Variants in ANKS1B observed in about 807,000 individuals in gnomAD.
ANKS1B encodes ankyrin repeat and sterile alpha motif domain-containing protein 1B.
Under a neutral mutation model 148.3 loss-of-function variants are expected in ANKS1B, and 36 were observed. That is an observed-to-expected ratio of 0.24 (90% confidence interval 0.19 to 0.32). The LOEUF (loss-of-function observed/expected upper bound fraction) is 0.32. Among genes scored for constraint, ANKS1B ranks in the 10% least tolerant of loss-of-function variants. The pLI is 1.00. For missense variants in ANKS1B, 1,157 were observed against 1,542.6 expected, an observed-to-expected ratio of 0.75 and a Z score of 4.19; for synonymous variants, 542 against 560.8, an observed-to-expected ratio of 0.97 and a Z score of 0.47.
At chr12:98,903,099 T>A (rs1260316456) in intron 17 of ANKS1B, among the ~76,000 whole-genome samples, 2 of 152,094 alleles carry the variant, frequency 1.3e-5, no homozygotes, top group African/African-American at 4.8e-5. Context: ...CATTAAGGAT[T>A]TTGAAATATA....
At chr12:99,716,726 T>A (rs578187032) in intron 8 of ANKS1B, among the ~76,000 whole-genome samples, 1 of 152,242 alleles carries the variant, frequency 6.6e-6, no homozygotes, top group South Asian at 2.1e-4. Flanking sequence ...CTGTTCCCAA[T>A]GCAAATCGTC....
At chr12:99,844,061 T>C (rs1306058414) in intron 1 of ANKS1B, among the ~76,000 whole-genome samples, 2 of 152,206 alleles carry the variant, frequency 1.3e-5, no homozygotes, top group African/African-American at 4.8e-5. Context: ...GAAAAGTGTC[T>C]GTTCATGTCC....
intron 23 of ANKS1B, 27 bp from the exon 24 acceptor site, chr12:98,781,230 G>A (rs762351142): frequency 1.2e-5 from 18 of 1,479,860 alleles, no homozygotes; most frequent in Non-Finnish European, 1.6e-5. Flanking sequence ...AAAGCTGTTA[G>A]AGCAGTTTGT....
At chr12:98,948,767 A>ACC (rs148793376) in intron 17 of ANKS1B, among the ~76,000 whole-genome samples, 2,588 of 129,126 alleles carry the variant, frequency 0.02, 100 homozygotes, top group African/African-American at 0.078. Flanking sequence ...ACACACCCAC[A>ACC]CCCCCCCCCA....
intron 12 of ANKS1B, among the ~76,000 whole-genome samples, chr12:99,342,379 C>A (rs1267812356): frequency 6.6e-6 from 1 of 151,752 alleles, no homozygotes; most frequent in Admixed American, 6.6e-5. Flanking sequence ...TATGAGATGT[C>A]CTGGAGGTTG....
chr12:99,530,447 A>G (rs112195393), intron 9 of ANKS1B, among the ~76,000 whole-genome samples: 6 of 152,312 alleles, frequency 3.9e-5, no homozygotes, highest in African/African-American at 1.4e-4. Flanking sequence ...AGAAAAGAAC[A>G]GGAACAGAGA....
intron 15 of ANKS1B, among the ~76,000 whole-genome samples, chr12:99,107,609 G>A (rs577628721): frequency 6.6e-6 from 1 of 152,300 alleles, no homozygotes; most frequent in South Asian, 2.1e-4. Flanking sequence ...GGATTCAGTG[G>A]AAACTAGTAA....
Position 99,245,106 on chromosome 12 carries a change from C to T in ANKS1B, c.2347-692G>A, listed in dbSNP as rs111855494. ...CTGGCCTCAAGTGATCTACCTGCCT[C>T]GGCGTCCCAAAGTGCTAGGATTACA... On this transcript the variant is annotated intron_variant, in intron 13 of 26. Transcript: ENST00000683438. Among the ~76,000 whole-genome samples the T allele has an allele frequency of 1.0e-3, 153 of 152,232 alleles. 1 individual carries two copies. Among genetic ancestry groups the T allele is most frequent in the African/African-American group, 3.3e-3 (139 of 41,538 alleles).
At chr12:99,267,932 G>T (rs2076617463) in intron 12 of ANKS1B, among the ~76,000 whole-genome samples, 1 of 152,184 alleles carries the variant, frequency 6.6e-6, no homozygotes, top group Admixed American at 6.5e-5. Context: ...AAGAAGACAT[G>T]AAGGGAGAAT....
At chr12:99,108,833 G>A (rs1398206956) in intron 15 of ANKS1B, among the ~76,000 whole-genome samples, 1 of 152,138 alleles carries the variant, frequency 6.6e-6, no homozygotes, top group Non-Finnish European at 1.5e-5. Flanking sequence ...GCATAATAGG[G>A]TTCTTCTTTA....
intron 14 of ANKS1B, among the ~76,000 whole-genome samples, chr12:99,224,099 A>T (rs970306077): frequency 6.6e-6 from 1 of 152,126 alleles, no homozygotes; most frequent in African/African-American, 2.4e-5. Context: ...TATATTTTTT[A>T]AATTTTTTTT....
intron 12 of ANKS1B, among the ~76,000 whole-genome samples, chr12:99,360,551 T>C (rs539083515): frequency 1.3e-5 from 2 of 152,252 alleles, no homozygotes; most frequent in East Asian, 3.9e-4. Context: ...CTTTGACTTA[T>C]GAAATATTGT....
intron 16 of ANKS1B, among the ~76,000 whole-genome samples, chr12:99,084,662 G>A (rs1173233108): frequency 1.3e-5 from 2 of 152,172 alleles, no homozygotes; most frequent in Non-Finnish European, 2.9e-5. Flanking sequence ...AAGTTGCAGT[G>A]AGCCTAGATC....
chr12:98,903,673 A>C (rs1335190621), intron 17 of ANKS1B, among the ~76,000 whole-genome samples: 1 of 152,178 alleles, frequency 6.6e-6, no homozygotes, highest in Non-Finnish European at 1.5e-5. Flanking sequence ...TGAGCCAATA[A>C]ATTTTTCATT....
chr12:99,353,911 C>T (rs1341803067), intron 12 of ANKS1B, among the ~76,000 whole-genome samples: 1 of 152,016 alleles, frequency 6.6e-6, no homozygotes, highest in African/African-American at 2.4e-5. Context: ...ATGGAGGCCA[C>T]TAGTGAATAC....
intron 17 of ANKS1B, among the ~76,000 whole-genome samples, chr12:98,945,729 T>C (rs774632647): frequency 2.0e-5 from 3 of 152,142 alleles, no homozygotes; most frequent in Admixed American, 6.6e-5. Flanking sequence ...GCAGGGATGG[T>C]GTGAGACTGC....
chr12:99,885,866 A>G (rs1347457237), intron 1 of ANKS1B, among the ~76,000 whole-genome samples: 1 of 152,122 alleles, frequency 6.6e-6, no homozygotes, highest in Non-Finnish European at 1.5e-5. Flanking sequence ...TTGGTTTTCC[A>G]TTCCTGTGTT....
At chr12:99,927,537 TA>T (rs2094504035) in intron 1 of ANKS1B, among the ~76,000 whole-genome samples, 1 of 152,230 alleles carries the variant, frequency 6.6e-6, no homozygotes, top group African/African-American at 2.4e-5. Flanking sequence ...TGCTTGTTTT[TA>T]CAAGGGACTT....
chr12:99,021,660 A>G (rs2099945882), intron 17 of ANKS1B, among the ~76,000 whole-genome samples: 2 of 152,210 alleles, frequency 1.3e-5, no homozygotes, highest in African/African-American at 4.8e-5. Context: ...AATAAAGGTG[A>G]TATTTTATAA....
Sources: gnomAD v4.1 joint callset for allele counts (sites outside exome capture counted in the v4.1 genomes callset) on GRCh38, gnomAD v4.1.1 for gene constraint, MANE v1.5 for transcripts, NCBI Gene and HGNC (gene_info 2026-07-23, HGNC 2026-07-21) for gene names.